Variants in TCERG1L observed in about 807,000 individuals in gnomAD.
TCERG1L encodes transcription elongation regulator 1 like, also known as transcription elongation regulator 1-like protein.
In TCERG1L, 37 loss-of-function variants were observed where a neutral mutation model predicts 56.3. The ratio of observed to expected loss-of-function variants is 0.66; its 90% confidence interval spans 0.51 to 0.87. The LOEUF is 0.87. Ranked by LOEUF, TCERG1L falls within the 40% of genes least tolerant of loss-of-function variation. TCERG1L has a pLI of 0.00. For missense variants in TCERG1L, 799 were observed against 774.2 expected, an observed-to-expected ratio of 1.03 and a Z score of -0.38; for synonymous variants, 324 against 326.3, an observed-to-expected ratio of 0.99 and a Z score of 0.08.
chr10:131,093,350 C>T lies in TCERG1L; in HGVS notation c.1605-32G>A, dbSNP rs1396374847. On this transcript the variant is annotated intron_variant, in intron 11 of 11. Transcript: ENST00000368642. ...AAGAAAGAGTTTCCTGAGACACCTTCCAGAGAGCAACTCTGGCCTCCCCAG... is the reference window on the plus strand; with the variant it reads ...AAGAAAGAGTTTCCTGAGACACCTTTCAGAGAGCAACTCTGGCCTCCCCAG... The T allele has an allele frequency of 7.5e-6, 12 of 1,609,734 alleles. No homozygotes were observed. The South Asian group carries it at 7.8e-5, about 10-fold the overall frequency.
intron 4 of TCERG1L, among the ~76,000 whole-genome samples, chr10:131,220,652 T>C (rs1368964124): frequency 1.3e-5 from 2 of 152,158 alleles, no homozygotes; most frequent in Admixed American, 6.5e-5. Context: ...CCCAGGACCC[T>C]GCCTCAGCTG....
chr10:131,188,102 T>C (rs1341612550), intron 4 of TCERG1L, among the ~76,000 whole-genome samples: 1 of 152,204 alleles, frequency 6.6e-6, no homozygotes, highest in East Asian at 1.9e-4. Flanking sequence ...CTGGTGCAAT[T>C]AGAGCTGGGA....
chr10:131,144,670 T>C (rs1450876593), intron 7 of TCERG1L, among the ~76,000 whole-genome samples: 3 of 152,218 alleles, frequency 2.0e-5, no homozygotes, highest in African/African-American at 7.2e-5. Flanking sequence ...TATAACCACA[T>C]GTAATTTTGT....
At chr10:131,290,162 G>A (rs1972846) in intron 3 of TCERG1L, among the ~76,000 whole-genome samples, 1,238 of 45,066 alleles carry the variant, frequency 0.027, 181 homozygotes, top group African/African-American at 0.067. Flanking sequence ...CTATCGGTGT[G>A]TGTGTGTGTA....
intron 4 of TCERG1L, among the ~76,000 whole-genome samples, chr10:131,184,064 A>G (rs1257534209): frequency 2.0e-5 from 3 of 152,086 alleles, no homozygotes; most frequent in African/African-American, 7.2e-5. Context: ...GGAAGTGTCT[A>G]TTTCTTGGAA....
intron 4 of TCERG1L, among the ~76,000 whole-genome samples, chr10:131,172,320 A>T (rs11017784): frequency 3.3e-5 from 5 of 151,922 alleles, no homozygotes; most frequent in African/African-American, 4.8e-5. Flanking sequence ...AGGGGAACCC[A>T]GGGAAGTGAA....
intron 3 of TCERG1L, among the ~76,000 whole-genome samples, chr10:131,261,796 C>T (rs1077085): frequency 0.53 from 79,989 of 151,914 alleles, 21,175 homozygotes; most frequent in East Asian, 0.7. Flanking sequence ...CTTTCCAGGC[C>T]GGTGGGCATA....
chr10:131,291,542 T>G (rs1846626418), intron 3 of TCERG1L, among the ~76,000 whole-genome samples: 1 of 148,534 alleles, frequency 6.7e-6, no homozygotes, highest in African/African-American at 2.5e-5. Flanking sequence ...TTCTCCTGCC[T>G]CAGCCTCCCA....
At chr10:131,197,717 G>A (rs1292770242) in intron 4 of TCERG1L, among the ~76,000 whole-genome samples, 2 of 152,190 alleles carry the variant, frequency 1.3e-5, no homozygotes, top group African/African-American at 4.8e-5. Flanking sequence ...CCGACCTGAG[G>A]TGAGGAGCCC....
intron 11 of TCERG1L, among the ~76,000 whole-genome samples, chr10:131,096,784 G>C (rs1363869689): frequency 2.0e-5 from 3 of 151,338 alleles, no homozygotes; most frequent in African/African-American, 7.3e-5. Context: ...GTGGGCACCT[G>C]TAGTCCCAGC....
intron 4 of TCERG1L, among the ~76,000 whole-genome samples, chr10:131,192,081 G>A (rs1429076446): frequency 7.0e-6 from 1 of 142,268 alleles, no homozygotes; most frequent in Non-Finnish European, 1.5e-5. Flanking sequence ...AATCAGCAGA[G>A]TAAACTGACA....
chr10:131,235,937 T>C (rs998805066), intron 4 of TCERG1L, among the ~76,000 whole-genome samples: 1 of 152,200 alleles, frequency 6.6e-6, no homozygotes, highest in Non-Finnish European at 1.5e-5. Flanking sequence ...CCCTATAAAA[T>C]GTCCTTACAA....
In TCERG1L at chr10:131,096,783, T is replaced by C. The variant is rs146786105; in HGVS notation, c.1604+1523A>G. On this transcript the variant is annotated intron_variant, in intron 11 of 11. Coordinates refer to ENST00000368642, the MANE Select transcript of TCERG1L (RefSeq NM_174937.4). Reference sequence around the variant, plus strand: ...TTAGCCGGGTGTGGTGGTGGGCACCTGTAGTCCCAGCTACTTGGCATGTAC... The same window carrying C: ...TTAGCCGGGTGTGGTGGTGGGCACCCGTAGTCCCAGCTACTTGGCATGTAC... 3.0e-3 allele frequency among the ~76,000 whole-genome samples: 450 copies of C among 151,584 alleles called. 18 individuals carry two copies. The East Asian group carries it at 0.071, about 24-fold the overall frequency.
intron 8 of TCERG1L, among the ~76,000 whole-genome samples, chr10:131,128,810 C>G (rs1006009932): frequency 2.6e-5 from 4 of 152,204 alleles, no homozygotes; most frequent in Admixed American, 2.6e-4. Context: ...GCTTGCATCA[C>G]GAAAAGACAG....
Position 131,255,397 on chromosome 10 carries a change from G to A in TCERG1L, c.856+4862C>T, listed in dbSNP as rs543543428. On this transcript the variant is annotated intron_variant, in intron 4 of 11. Coordinates refer to ENST00000368642, the MANE Select transcript of TCERG1L (RefSeq NM_174937.4). ...ACTAAAGTATGCAACATATTGTCTA[G>A]AGATAATGCATATGCATATGGTAAA... Among the ~76,000 whole-genome samples the A allele has an allele frequency of 4.7e-4, 71 of 152,346 alleles. 1 individual carries two copies. Among genetic ancestry groups the A allele is most frequent in the African/African-American group, 1.7e-3 (69 of 41,580 alleles).
In TCERG1L at chr10:131,115,019, G is replaced by A. The variant is rs188015140; in HGVS notation, c.1395+1780C>T. Among the ~76,000 whole-genome samples the A allele has an allele frequency of 1.6e-3, 243 of 152,332 alleles. 2 individuals are homozygous for A. The highest frequency in any genetic ancestry group is 5.5e-3 in the African/African-American group (229 of 41,576). On this transcript the variant is annotated intron_variant, in intron 9 of 11. Coordinates refer to ENST00000368642, the MANE Select transcript of TCERG1L (RefSeq NM_174937.4). ...GGAAACTGCCTGCACGTGCACCTGTGGGTCACAAAACGGCCTCTCCTGCCT... is the reference window on the plus strand; with the variant it reads ...GGAAACTGCCTGCACGTGCACCTGTAGGTCACAAAACGGCCTCTCCTGCCT...
chr10:131,298,266 A>C (rs1247318716), intron 3 of TCERG1L, among the ~76,000 whole-genome samples: 1 of 151,698 alleles, frequency 6.6e-6, no homozygotes, highest in East Asian at 1.9e-4. Context: ...CATTCTATTC[A>C]AAATATTTTC....
chr10:131,265,757 A>T (rs1846278067), intron 3 of TCERG1L, among the ~76,000 whole-genome samples: 1 of 152,252 alleles, frequency 6.6e-6, no homozygotes, highest in South Asian at 2.1e-4. Flanking sequence ...AAAATATTAG[A>T]GATCATCTGA....
intron 4 of TCERG1L, among the ~76,000 whole-genome samples, chr10:131,177,260 C>T (rs1251556493): frequency 1.3e-5 from 2 of 152,172 alleles, no homozygotes; most frequent in African/African-American, 4.8e-5. Context: ...CACACAGGCA[C>T]ACACATGCCC....
Sources: allele counts gnomAD v4.1 joint callset (sites outside exome capture counted in the v4.1 genomes callset), GRCh38; gene constraint gnomAD v4.1.1; transcripts MANE v1.5; gene names NCBI Gene and HGNC (gene_info 2026-07-23, HGNC 2026-07-21).